The following LIPI variants were observed in gnomAD, a reference collection of about 807,000 sequenced individuals.
LIPI encodes the protein lipase member I.
In LIPI, 59 loss-of-function variants were observed where a neutral mutation model predicts 50.6. That is an observed-to-expected ratio of 1.16 (90% CI 0.94 to 1.45). LIPI has a LOEUF of 1.45. Among genes scored for constraint, LIPI ranks in the 40% most tolerant of loss-of-function variants. LIPI has a pLI of 0.00. For synonymous variants in LIPI, 203 were observed against 178.2 expected, an observed-to-expected ratio of 1.14 and a Z score of -1.11; for missense variants, 586 against 536.3, an observed-to-expected ratio of 1.09 and a Z score of -0.92.
At chr21:14,151,179 T>C (rs2018076964) in intron 8 of LIPI, among the ~76,000 whole-genome samples, 1 of 152,164 alleles carries the variant, frequency 6.6e-6, no homozygotes, top group Non-Finnish European at 1.5e-5. Flanking sequence ...GTTTGAAAGG[T>C]TTACCTACTA....
chr21:14,181,846 A>T lies in LIPI; in HGVS notation c.555T>A (p.Ala185=), dbSNP rs2019282197. The change falls in exon 4 of 10, where the codon GCT becomes GCA. Residue 185 remains alanine, a synonymous_variant. Transcript: ENST00000681601. ...GTGGTTTTCTGGAGAACCTTGGCCC[A>T]GCAGGGTCAAGACCTGGAAAGCAAG... ...QLGRITGLDP[A]GPRFSRKPPY... 1 of 1,605,062 alleles carries T rather than the reference A, an allele frequency of 6.2e-7. No homozygotes were observed. The highest frequency in any genetic ancestry group is 8.5e-7 in the Non-Finnish European group (1 of 1,172,398).
intron 1 of LIPI, among the ~76,000 whole-genome samples, chr21:14,202,496 T>C (rs2020091214): frequency 1.3e-5 from 2 of 152,048 alleles, no homozygotes; most frequent in Non-Finnish European, 2.9e-5. Context: ...TATAGATCAA[T>C]GGAACAGAAC....
At chr21:14,174,465 C>T (rs1478946807) in intron 4 of LIPI, among the ~76,000 whole-genome samples, 1 of 152,128 alleles carries the variant, frequency 6.6e-6, no homozygotes, top group East Asian at 1.9e-4. Flanking sequence ...CCCAGTGTGC[C>T]CTTACCCAGC....
chr21:14,131,113 G>A (rs1049460057), intron 9 of LIPI, among the ~76,000 whole-genome samples: 10 of 151,966 alleles, frequency 6.6e-5, no homozygotes, highest in Admixed American at 1.3e-4. Context: ...ACCACACCCG[G>A]CTAATTTTTT....
intron 9 of LIPI, among the ~76,000 whole-genome samples, chr21:14,110,486 G>T (rs1004026965): frequency 6.6e-6 from 1 of 151,884 alleles, no homozygotes; most frequent in African/African-American, 2.4e-5. Flanking sequence ...TGCAACAAAA[G>T]CATTCAACAT....
At chr21:14,132,387 A>G (rs1002047630) in intron 9 of LIPI, among the ~76,000 whole-genome samples, 7 of 152,342 alleles carry the variant, frequency 4.6e-5, no homozygotes, top group Non-Finnish European at 7.4e-5. Flanking sequence ...CTTATGAGCC[A>G]GAAGATAATT....
rs2020346831 is a variant in LIPI, at chr21:14,210,907, T to C, written c.-62A>G. On this transcript the variant is annotated 5_prime_UTR_variant, in exon 1 of 10. It removes an upstream start codon present in the reference 5' UTR. Coordinates refer to ENST00000681601, the MANE Select transcript of LIPI (RefSeq NM_001302998.2). ...ACCAAAAAGGAAATTCCGTAACTCA[T>C]TGAGGTTTCTCTTTGGTAGGATCAT... The C allele has an allele frequency of 2.6e-6, 3 of 1,154,040 alleles. No homozygotes were observed. The highest frequency in any genetic ancestry group is 1.8e-5 in the South Asian group (1 of 55,230). The allele number at this position is 1,154,040 out of a possible 1,614,324, so 71.5% of individuals were successfully genotyped here.
chr21:14,114,063 A>C (rs2016520901), intron 9 of LIPI, among the ~76,000 whole-genome samples: 1 of 152,036 alleles, frequency 6.6e-6, no homozygotes, highest in South Asian at 2.1e-4. Context: ...CTGTAGTCCC[A>C]GCTACTTGGG....
At chr21:14,137,389 T>A (rs778040907) in intron 9 of LIPI, among the ~76,000 whole-genome samples, 20 of 151,982 alleles carry the variant, frequency 1.3e-4, no homozygotes, top group Non-Finnish European at 2.8e-4. Context: ...ACAAAGAGAT[T>A]GAAATAATTA....
At chr21:14,111,376 C>G (rs886453818) in intron 9 of LIPI, among the ~76,000 whole-genome samples, 2 of 152,026 alleles carry the variant, frequency 1.3e-5, no homozygotes, top group Admixed American at 6.6e-5. Flanking sequence ...CTGTTGGCCA[C>G]TTGTATGTCT....
chr21:14,165,816 C>A (rs552303046), intron 5 of LIPI, among the ~76,000 whole-genome samples: 3 of 152,318 alleles, frequency 2.0e-5, no homozygotes, highest in African/African-American at 7.2e-5. Context: ...ACATCCTCCT[C>A]CTTTTCACCA....
chr21:14,194,274 C>T (rs1425335003), intron 1 of LIPI, among the ~76,000 whole-genome samples: 1 of 152,056 alleles, frequency 6.6e-6, no homozygotes, highest in Non-Finnish European at 1.5e-5. Flanking sequence ...ATAAACCTAC[C>T]ATATTATCCA....
intron 9 of LIPI, among the ~76,000 whole-genome samples, chr21:14,131,754 TATAGA>T (rs1371764413): frequency 6.6e-6 from 1 of 152,010 alleles, no homozygotes; most frequent in Non-Finnish European, 1.5e-5. Context: ...TAATTCAAAA[TATAGA>T]ATTTAAAGAA....
chr21:14,122,420 T>C (rs918209864), intron 9 of LIPI, among the ~76,000 whole-genome samples: 1 of 152,142 alleles, frequency 6.6e-6, no homozygotes. Context: ...CCTAATAACG[T>C]TGGAACTGGG....
intron 8 of LIPI, 96 bp from the exon 9 acceptor site, chr21:14,144,895 A>G (rs887593721): frequency 1.3e-6 from 1 of 766,568 alleles, no homozygotes; most frequent in Non-Finnish European, 2.2e-6. Context: ...GCCACAGAGA[A>G]CAAAATTATA....
chr21:14,118,289 A>C (rs2016731666), intron 9 of LIPI, among the ~76,000 whole-genome samples: 1 of 152,126 alleles, frequency 6.6e-6, no homozygotes, highest in Admixed American at 6.6e-5. Context: ...GCTGAAAAAT[A>C]GACTTTATGG....
intron 9 of LIPI, among the ~76,000 whole-genome samples, chr21:14,116,683 G>C (rs2016655285): frequency 6.6e-6 from 1 of 152,150 alleles, no homozygotes; most frequent in African/African-American, 2.4e-5. Context: ...ACTGGGGTCA[G>C]ACAACAGCCT....
intron 9 of LIPI, among the ~76,000 whole-genome samples, chr21:14,118,972 C>T (rs1568831874): frequency 6.6e-6 from 1 of 152,194 alleles, no homozygotes; most frequent in Admixed American, 6.5e-5. Flanking sequence ...AGGCAATCAA[C>T]GAGGTGGTGG....
chr21:14,114,854 A>T (rs2016562032), intron 9 of LIPI, among the ~76,000 whole-genome samples: 2 of 152,238 alleles, frequency 1.3e-5, no homozygotes, highest in Admixed American at 6.5e-5. Flanking sequence ...AGTGACAAAG[A>T]GAAAAATCTT....
Sources: allele counts gnomAD v4.1 joint callset (sites outside exome capture counted in the v4.1 genomes callset), GRCh38; gene constraint gnomAD v4.1.1; transcripts MANE v1.5; gene names NCBI Gene and HGNC (gene_info 2026-07-23, HGNC 2026-07-21).